The following ADAMTSL3 variants were observed in gnomAD, a reference collection of about 807,000 sequenced individuals.
The protein encoded by ADAMTSL3 is ADAMTS-like protein 3.
A neutral mutation model predicts 201.7 loss-of-function variants in ADAMTSL3; 128 were observed. The ratio of observed to expected loss-of-function variants is 0.63; its 90% CI spans 0.55 to 0.73. The LOEUF (loss-of-function observed/expected upper bound fraction) is 0.73. Among genes scored for constraint, ADAMTSL3 ranks in the 30% least tolerant of loss-of-function variants. The pLI is 0.00. For missense variants in ADAMTSL3, 1,990 were observed against 2,119.6 expected, an observed-to-expected ratio of 0.94 and a Z score of 1.20; for synonymous variants, 738 against 748.4, an observed-to-expected ratio of 0.99 and a Z score of 0.23.
intron 4 of ADAMTSL3, among the ~76,000 whole-genome samples, chr15:83,786,214 T>G (rs2063260185): frequency 6.6e-6 from 1 of 152,176 alleles, no homozygotes; most frequent in African/African-American, 2.4e-5. Context: ...TGACCTCAAG[T>G]GATCCACAGT....
At chr15:83,755,190 A>AT (rs370739287) in intron 3 of ADAMTSL3, among the ~76,000 whole-genome samples, 21 of 151,028 alleles carry the variant, frequency 1.4e-4, no homozygotes, top group Admixed American at 8.6e-4. Context: ...GAGTTTTTCC[A>AT]TTTTTTTTTA....
At chr15:83,984,774 G>T (rs539129811) in intron 21 of ADAMTSL3, among the ~76,000 whole-genome samples, 9 of 152,260 alleles carry the variant, frequency 5.9e-5, no homozygotes, top group African/African-American at 1.9e-4. Flanking sequence ...CATCTTTGCA[G>T]ATCTCTTTAA....
chr15:83,850,561 G>A (rs563801856), intron 7 of ADAMTSL3, among the ~76,000 whole-genome samples: 28 of 151,120 alleles, frequency 1.9e-4, no homozygotes, highest in African/African-American at 5.6e-4. Context: ...CTCCAGCTAC[G>A]ACCCTAATTT....
intron 15 of ADAMTSL3, 102 bp from the exon 16 acceptor site, chr15:83,912,990 G>A: frequency 1.6e-6 from 2 of 1,249,052 alleles, no homozygotes; most frequent in Non-Finnish European, 2.2e-6. Context: ...ACCGAGTGAA[G>A]CTGGTTATTT....
chr15:83,705,249 A>G (rs1247692532), intron 3 of ADAMTSL3, among the ~76,000 whole-genome samples: 1 of 152,098 alleles, frequency 6.6e-6, no homozygotes, highest in Non-Finnish European at 1.5e-5. Context: ...CTTTAAGATG[A>G]TGTAGGGCCT....
At chr15:83,747,137 T>A (rs964041403) in intron 3 of ADAMTSL3, among the ~76,000 whole-genome samples, 9 of 152,130 alleles carry the variant, frequency 5.9e-5, no homozygotes, top group Non-Finnish European at 1.2e-4. Context: ...GTGTTAGGTG[T>A]CACTTGGAAG....
At chr15:83,672,341 G>A (rs961786623) in intron 2 of ADAMTSL3, among the ~76,000 whole-genome samples, 1 of 152,208 alleles carries the variant, frequency 6.6e-6, no homozygotes, top group African/African-American at 2.4e-5. Flanking sequence ...TGGTGCTCCA[G>A]GGGGTCTGGA....
Position 83,774,603 on chromosome 15 carries a change from C to T in ADAMTSL3, c.317+953C>T, listed in dbSNP as rs1363322827. 3.9e-5 allele frequency among the ~76,000 whole-genome samples: 6 copies of T among 152,136 alleles called. No homozygotes were observed. In the South Asian group the frequency reaches 6.2e-4, roughly 16 times the overall value. ...GTACTGTGGTAGCATTCCCCCAGGG[C>T]GAGTTCTAACTCAGAGCATGGAAGC... On this transcript the variant is annotated intron_variant, in intron 4 of 29. Transcript: ENST00000286744.
intron 3 of ADAMTSL3, among the ~76,000 whole-genome samples, chr15:83,745,952 A>G (rs778136596): frequency 5.3e-5 from 8 of 152,138 alleles, no homozygotes; most frequent in Non-Finnish European, 1.2e-4. Context: ...ACAACCCTCT[A>G]TCAGTTATTA....
At chr15:83,936,452 G>A (rs1596438959) in intron 17 of ADAMTSL3, among the ~76,000 whole-genome samples, 1 of 150,886 alleles carries the variant, frequency 6.6e-6, no homozygotes, top group East Asian at 1.9e-4. Context: ...ACAGATGAAA[G>A]TAGTTCAAGA....
chr15:83,788,915 C>T (rs944884688), intron 4 of ADAMTSL3, among the ~76,000 whole-genome samples: 1 of 152,044 alleles, frequency 6.6e-6, no homozygotes, highest in African/African-American at 2.4e-5. Flanking sequence ...GTTGAAGCAA[C>T]TCTCCTGCCT....
At chr15:83,849,382 TC>T (rs899293172) in intron 7 of ADAMTSL3, among the ~76,000 whole-genome samples, 13 of 152,198 alleles carry the variant, frequency 8.5e-5, no homozygotes, top group African/African-American at 3.1e-4. Flanking sequence ...TACCTTAACC[TC>T]CCAAAGTCCT....
At chr15:83,883,243 G>A (rs180792279) in intron 9 of ADAMTSL3, among the ~76,000 whole-genome samples, 2 of 151,560 alleles carry the variant, frequency 1.3e-5, no homozygotes, top group East Asian at 3.9e-4. Flanking sequence ...TGTGATCTCG[G>A]CTCATTGCAA....
At chr15:83,740,841 T>C (rs1456134423) in intron 3 of ADAMTSL3, among the ~76,000 whole-genome samples, 1 of 152,166 alleles carries the variant, frequency 6.6e-6, no homozygotes, top group Non-Finnish European at 1.5e-5. Flanking sequence ...TATGAATTTA[T>C]AACAATTGAA....
At chr15:84,030,815 A>T (rs1030940267) in intron 27 of ADAMTSL3, among the ~76,000 whole-genome samples, 1 of 152,144 alleles carries the variant, frequency 6.6e-6, no homozygotes, top group Non-Finnish European at 1.5e-5. Flanking sequence ...GTCAAGGGAG[A>T]GACCAGGTGG....
intron 2 of ADAMTSL3, among the ~76,000 whole-genome samples, chr15:83,673,293 T>C (rs72761825): frequency 0.13 from 20,130 of 152,266 alleles, 1,709 homozygotes; most frequent in South Asian, 0.25. Context: ...TGGAATGAAC[T>C]AGCCACTGTT....
At chr15:83,750,185 A>G (rs2062616315) in intron 3 of ADAMTSL3, among the ~76,000 whole-genome samples, 1 of 152,224 alleles carries the variant, frequency 6.6e-6, no homozygotes, top group African/African-American at 2.4e-5. Context: ...TTACAAGCCT[A>G]AGGGTTTTGT....
chr15:83,676,676 TCAA>T (rs976618680), intron 2 of ADAMTSL3, among the ~76,000 whole-genome samples: 4 of 152,118 alleles, frequency 2.6e-5, no homozygotes, highest in South Asian at 2.1e-4. Context: ...ACACTCCATC[TCAA>T]CAACAACAAC....
At chr15:83,976,340 G>T (rs2142143445) in intron 20 of ADAMTSL3, among the ~76,000 whole-genome samples, 1 of 152,226 alleles carries the variant, frequency 6.6e-6, no homozygotes, top group African/African-American at 2.4e-5. Context: ...TGGACAGGAG[G>T]AAATCTAGAT....
Sources: allele counts gnomAD v4.1 joint callset (sites outside exome capture counted in the v4.1 genomes callset), GRCh38; gene constraint gnomAD v4.1.1; transcripts MANE v1.5; gene names NCBI Gene and HGNC (gene_info 2026-07-23, HGNC 2026-07-21).